Variants in CPHXL observed in about 807,000 individuals in gnomAD.
The protein encoded by CPHXL is cytoplasmic polyadenylated homeobox-like protein.
intron 2 of CPHXL, among the ~76,000 whole-genome samples, chr16:75,717,281 A>G (rs1052248822): frequency 1.3e-5 from 2 of 152,168 alleles, no homozygotes; most frequent in Admixed American, 6.5e-5. Flanking sequence ...TACTCACTGT[A>G]TTTTCACAAG....
intron 1 of CPHXL, among the ~76,000 whole-genome samples, chr16:75,725,957 C>T (rs961194520): frequency 6.6e-6 from 1 of 151,330 alleles, no homozygotes; most frequent in Middle Eastern, 3.2e-3. Flanking sequence ...TAATCGATGA[C>T]CTAAGTTTCC....
At chr16:75,717,717 C>G (rs1959413243) in intron 2 of CPHXL, among the ~76,000 whole-genome samples, 2 of 152,200 alleles carry the variant, frequency 1.3e-5, no homozygotes, top group African/African-American at 4.8e-5. Flanking sequence ...CTGGAAGCAT[C>G]AGCCACAGCG....
chr16:75,725,091 C>G (rs1029020167), intron 1 of CPHXL, among the ~76,000 whole-genome samples: 5 of 150,492 alleles, frequency 3.3e-5, no homozygotes, highest in Non-Finnish European at 7.4e-5. Context: ...CACATGGACA[C>G]AGGAAGGGGA....
Position 75,724,415 on chromosome 16 carries a change from A to T in CPHXL, c.25+2003T>A, listed in dbSNP as rs542422743. Among the ~76,000 whole-genome samples, 16 of 152,312 alleles carry T rather than the reference A, an allele frequency of 1.1e-4. No individual in the cohort carries two copies. The South Asian group carries it at 1.4e-3, about 14-fold the overall frequency. On this transcript the variant is annotated intron_variant, in intron 1 of 2. Transcript: ENST00000640559. ...ATATCCAGAATCTACAATGAACTCA[A>T]ACAAATTTACAAGAAAAAAACAAAC...
intron 2 of CPHXL, among the ~76,000 whole-genome samples, chr16:75,716,036 C>G (rs1024424001): frequency 4.5e-4 from 68 of 152,120 alleles, no homozygotes; most frequent in African/African-American, 1.6e-3. Context: ...TTCTGACATG[C>G]ATTGGTTCAC....
intron 1 of CPHXL, among the ~76,000 whole-genome samples, chr16:75,722,131 A>G (rs1447986847): frequency 3.9e-5 from 6 of 152,198 alleles, no homozygotes; most frequent in Non-Finnish European, 7.3e-5. Flanking sequence ...TTAGAGCACT[A>G]AATGCCCACA....
intron 1 of CPHXL, among the ~76,000 whole-genome samples, chr16:75,724,915 C>T (rs549573993): frequency 3.3e-5 from 5 of 152,238 alleles, no homozygotes; most frequent in South Asian, 2.1e-4. Flanking sequence ...GAAAATGTGG[C>T]ACATATATAC....
At chr16:75,724,643 G>A (rs1179492450) in intron 1 of CPHXL, among the ~76,000 whole-genome samples, 2 of 152,218 alleles carry the variant, frequency 1.3e-5, no homozygotes, top group African/African-American at 4.8e-5. Flanking sequence ...TGGAGAGGAT[G>A]TGGAGAAATA....
rs1468930989 is a variant in CPHXL at position 75,714,325 on chromosome 16, T to C, written c.1117A>G (p.Met373Val). The change falls in exon 3 of 3, where the codon ATG becomes GTG. Residue 373 changes from methionine (M) to valine (V), a missense_variant. Transcript: ENST00000640559. Reference protein sequence around the residue: ...GKPLCSQLQHMSLQIAADSPL... With the variant: ...GKPLCSQLQHVSLQIAADSPL... ...GAGTCGGCAGCTATTTGGAGAGACA[T>C]GTGCTGCAGTTGAGAGCACAACGGC... 1.3e-5 allele frequency: 5 copies of C among 398,498 alleles called. No homozygotes were observed. Among genetic ancestry groups the C allele is most frequent in the African/African-American group, 1.0e-4 (5 of 48,624 alleles). The allele number at this position is 398,498 out of a possible 1,614,324, so 24.7% of individuals were successfully genotyped here.
At chr16:75,720,664 G>C (rs1597221554) in intron 1 of CPHXL, among the ~76,000 whole-genome samples, 1 of 152,212 alleles carries the variant, frequency 6.6e-6, no homozygotes, top group East Asian at 1.9e-4. Flanking sequence ...ATGGAACCAA[G>C]TTGGAAAACA....
chr16:75,716,061 G>A (rs930692532), intron 2 of CPHXL, among the ~76,000 whole-genome samples: 1 of 151,956 alleles, frequency 6.6e-6, no homozygotes, highest in African/African-American at 2.4e-5. Context: ...TACAACTAAA[G>A]AGTGCAATTG....
intron 2 of CPHXL, among the ~76,000 whole-genome samples, chr16:75,716,453 T>A (rs1257818716): frequency 6.6e-6 from 1 of 152,146 alleles, no homozygotes; most frequent in Non-Finnish European, 1.5e-5. Context: ...CAGAACTAAG[T>A]GAAACACTTA....
chr16:75,719,233 C>CTGGGGAGTGT (rs1262886745), intron 1 of CPHXL, among the ~76,000 whole-genome samples: 1 of 152,170 alleles, frequency 6.6e-6, no homozygotes, highest in Non-Finnish European at 1.5e-5. Context: ...GTTCATCTCA[C>CTGGGGAGTGT]TGGGGAGTGT....
intron 1 of CPHXL, among the ~76,000 whole-genome samples, chr16:75,721,520 T>A (rs553087143): frequency 3.1e-4 from 47 of 152,312 alleles, no homozygotes; most frequent in African/African-American, 1.1e-3. Context: ...CATTACATAA[T>A]GGCAAAGGGA....
intron 1 of CPHXL, among the ~76,000 whole-genome samples, chr16:75,725,519 C>G (rs1226590383): frequency 6.6e-6 from 1 of 150,778 alleles, no homozygotes; most frequent in Non-Finnish European, 1.5e-5. Flanking sequence ...GCGGCACCAT[C>G]TCGGCTCACT....
At chr16:75,719,241 T>A (rs1256155593) in intron 1 of CPHXL, among the ~76,000 whole-genome samples, 1 of 150,876 alleles carries the variant, frequency 6.6e-6, no homozygotes, top group East Asian at 2.0e-4. Context: ...CACTGGGGAG[T>A]GTTGGGAAGT....
chr16:75,722,156 A>G (rs1453591806), intron 1 of CPHXL, among the ~76,000 whole-genome samples: 1 of 152,250 alleles, frequency 6.6e-6, no homozygotes, highest in Non-Finnish European at 1.5e-5. Flanking sequence ...AAAGCAGGAA[A>G]GATCTAAAAT....
chr16:75,715,095 G>A lies in CPHXL; in HGVS notation c.347C>T (p.Ala116Val). ...SFLSCQETQA[A>V]AHNYATKQSL... ...CTGCTTGGTGGCATAGTTGTGAGCT[G>A]CAGCCTGGGTCTCCTGGCAGCTTAA... The change falls in exon 3 of 3, where the codon GCA becomes GTA. Residue 116 changes from alanine to valine, a missense_variant. By Grantham distance (64) the Ala-to-Val change is moderately conservative (BLOSUM62 0). Coordinates refer to ENST00000640559, the MANE Select transcript of CPHXL (RefSeq NM_001355613.1). 1 of 398,902 alleles carries A rather than the reference G, an allele frequency of 2.5e-6. No individual in the cohort carries two copies. The highest frequency in any genetic ancestry group is 4.4e-6 in the Non-Finnish European group (1 of 226,150). The allele number at this position is 398,902 out of a possible 1,614,324, so 24.7% of individuals were successfully genotyped here.
chr16:75,725,062 G>A (rs909229261), intron 1 of CPHXL, among the ~76,000 whole-genome samples: 1 of 151,642 alleles, frequency 6.6e-6, no homozygotes, highest in African/African-American at 2.4e-5. Context: ...ACTCATAGGT[G>A]GAAATTGAAC....
Sources: gnomAD v4.1 joint callset for allele counts (sites outside exome capture counted in the v4.1 genomes callset) on GRCh38, gnomAD v4.1.1 for gene constraint, MANE v1.5 for transcripts, NCBI Gene and HGNC (gene_info 2026-07-23, HGNC 2026-07-21) for gene names.